PPP1R1B: variants seen among roughly 807,000 people sequenced by gnomAD.
PPP1R1B encodes protein phosphatase 1 regulatory inhibitor subunit 1B.
A neutral mutation model predicts 28.2 loss-of-function variants in PPP1R1B; 13 were observed. That is an observed-to-expected ratio of 0.46 (90% CI 0.30 to 0.73). The LOEUF (loss-of-function observed/expected upper bound fraction) is 0.73. Ranked by LOEUF, PPP1R1B falls within the 30% of genes least tolerant of loss-of-function variation. The pLI, the probability that PPP1R1B is intolerant of heterozygous loss-of-function variation, is 0.07. For missense variants in PPP1R1B, 236 were observed against 256.7 expected, an observed-to-expected ratio of 0.92 and a Z score of 0.55; for synonymous variants, 102 against 97.5, an observed-to-expected ratio of 1.05 and a Z score of -0.27.
chr17:39,631,451 C>A (rs2056876849), intron 4 of PPP1R1B, among the ~76,000 whole-genome samples: 1 of 152,084 alleles, frequency 6.6e-6, no homozygotes, highest in South Asian at 2.1e-4. Context: ...GGGAGATATA[C>A]CTGAAGGACA....
intron 1 of PPP1R1B, chr17:39,628,537 C>T: frequency 1.0e-6 from 1 of 985,656 alleles, no homozygotes; most frequent in Non-Finnish European, 1.2e-6. Flanking sequence ...AGTTCTGCAG[C>T]CTTACAGAGA....
chr17:39,629,190 G>A lies in PPP1R1B; in HGVS notation c.102G>A (p.Thr34=), dbSNP rs139161053. 362 of 1,613,570 alleles carry A rather than the reference G, an allele frequency of 2.2e-4. 1 individual carries two copies. The African/African-American group carries it at 4.1e-3, about 18-fold the overall frequency. Residue 34 remains threonine, a synonymous_variant, in exon 2 of 7, where the codon ACG becomes ACA. Transcript: ENST00000254079. ...CTTAGATCCGGCGCAGGAGACCAAC[G>A]CCTGCCATGCTGTTCCGGCTCTCAG... ...QVEMIRRRRP[T]PAMLFRLSEH...
chr17:39,633,764 G>A, intron 4 of PPP1R1B, 119 bp from the exon 5 acceptor site: 3 of 1,539,172 alleles, frequency 1.9e-6, no homozygotes, highest in East Asian at 2.3e-5. Flanking sequence ...GGGCCCCTGA[G>A]GGGGTATTCT....
intron 2 of PPP1R1B, 126 bp downstream of exon 2, chr17:39,629,356 C>T: frequency 3.9e-6 from 5 of 1,281,292 alleles, no homozygotes; most frequent in Non-Finnish European, 5.6e-6. Flanking sequence ...GGTCTGGGAA[C>T]CCAACTCTAT....
Position 39,629,208 on chromosome 17 carries a change from G to A in PPP1R1B, c.120G>A (p.Arg40=). Residue 40 remains arginine (R), a synonymous_variant, in exon 2 of 7, where the codon CGG becomes CGA. Transcript: ENST00000254079. The stretch of plus-strand genomic sequence containing the variant: ...GACCAACGCCTGCCATGCTGTTCCG[G>A]CTCTCAGAGCACTCCTCACCAGGTA... ...RRRPTPAMLF[R]LSEHSSPEEE... 1 of 1,613,646 alleles carries A rather than the reference G, an allele frequency of 6.2e-7. No individual in the cohort carries two copies. The highest frequency in any genetic ancestry group is 8.5e-7 in the Non-Finnish European group (1 of 1,179,900).
intron 1 of PPP1R1B, chr17:39,628,436 A>AGGGGC: frequency 4.0e-6 from 3 of 753,058 alleles, no homozygotes; most frequent in Non-Finnish European, 3.0e-6. Context: ...TGCCAAGCTG[A>AGGGGC]GGGGCGGGGC....
intron 1 of PPP1R1B, 57 bp from the exon 2 acceptor site, chr17:39,629,113 G>A: frequency 6.5e-7 from 1 of 1,538,212 alleles, no homozygotes; most frequent in Non-Finnish European, 9.0e-7. Context: ...CCTGCTGCCT[G>A]GGGGTGGGGG....
rs956824434 is a variant in PPP1R1B, at chr17:39,630,034, A to G, written c.228A>G (p.Pro76=). Residue 76 remains proline, a synonymous_variant, in exon 4 of 7, where the codon CCA becomes CCG. Transcript: ENST00000254079. ...GACCCAACCCCTGTGCCTACACACC[A>G]CCTTCGCTGAAAGGTACTATACCCC... ...SKRPNPCAYT[P]PSLKAVQRIA... The G allele has an allele frequency of 5.0e-6, 8 of 1,614,010 alleles. No homozygotes were observed. Among genetic ancestry groups the G allele is most frequent in the Non-Finnish European group, 6.8e-6 (8 of 1,179,978 alleles).
At chr17:39,634,637 A>G (rs1240090718) in intron 5 of PPP1R1B, among the ~76,000 whole-genome samples, 2 of 152,214 alleles carry the variant, frequency 1.3e-5, no homozygotes. Context: ...AGCCCGGCCC[A>G]TTAACCTTTT....
intron 1 of PPP1R1B, chr17:39,628,560 C>A (rs1479070735): frequency 1.3e-5 from 13 of 985,652 alleles, no homozygotes; most frequent in Non-Finnish European, 1.6e-5. Flanking sequence ...GGAAAAGAAG[C>A]CCAAACCAAG....
rs771714536 is a variant in PPP1R1B at position 39,627,521 on chromosome 17, G to C, written c.81+48G>C. The C allele has an allele frequency of 1.1e-4, 135 of 1,260,714 alleles. No individual in the cohort carries two copies. The South Asian group carries it at 1.6e-3, about 15-fold the overall frequency. The allele number at this position is 1,260,714 out of a possible 1,614,324, so 78.1% of individuals were successfully genotyped here. On this transcript the variant is annotated intron_variant, in intron 1 of 6. Transcript: ENST00000254079. ...CGGCAGCGTACCCGACACACCCCGC[G>C]GGGCTTCTTCGCCCTCCCAAGGCGC...
At chr17:39,633,525 C>T (rs1226787923) in intron 4 of PPP1R1B, 1 of 237,988 alleles carries the variant, frequency 4.2e-6, no homozygotes, top group Non-Finnish European at 8.5e-6. Flanking sequence ...GAGACACTGT[C>T]TCCCGTACTG....
Position 39,635,801 on chromosome 17 carries a change from C to A in PPP1R1B, c.566-15C>A. On this transcript the variant is annotated splice_polypyrimidine_tract_variant and intron_variant, in intron 6 of 6. Transcript: ENST00000254079. ...GTGGGGCCAGGCCCTGAGTCCCTCT[C>A]TGCTTGCCTTTCAGAGCCTGGGGAG... 6.2e-7 allele frequency: 1 copy of A among 1,614,050 alleles called. No homozygotes were observed. The highest frequency in any genetic ancestry group is 1.1e-5 in the South Asian group (1 of 91,066).
At chr17:39,629,371 T>C in intron 2 of PPP1R1B, 141 bp downstream of exon 2, 1 of 1,252,988 alleles carries the variant, frequency 8.0e-7, no homozygotes, top group Non-Finnish European at 1.2e-6. Flanking sequence ...CTCTATTGGC[T>C]TTATTTATTG....
chr17:39,634,872 G>A (rs904305877), intron 5 of PPP1R1B, among the ~76,000 whole-genome samples: 4 of 152,252 alleles, frequency 2.6e-5, no homozygotes, highest in Non-Finnish European at 4.4e-5. Context: ...AACAGTGGAA[G>A]AGGGGTGAGA....
At position 39,635,544 on chromosome 17, in the gene PPP1R1B, A is replaced by G. The variant is rs935860966; in HGVS notation, c.446-63A>G. 1.3e-5 allele frequency: 21 copies of G among 1,563,184 alleles called. 1 individual carries two copies. The Middle Eastern group carries it at 1.0e-3, about 77-fold the overall frequency. On this transcript the variant is annotated intron_variant, in intron 5 of 6. Coordinates refer to ENST00000254079, the MANE Select transcript of PPP1R1B (RefSeq NM_032192.4). ...CTCAGCCATCAGACACTTAGCTCAC[A>G]CTCCAGGACAGCCGGATGGATACGC...
At chr17:39,633,820 T>C (rs1597781054) in intron 4 of PPP1R1B, 63 bp from the exon 5 acceptor site, 1 of 1,601,676 alleles carries the variant, frequency 6.2e-7, no homozygotes, top group East Asian at 2.2e-5. Flanking sequence ...GGCCACAGGC[T>C]ATCTCCAGAT....
At position 39,628,624 on chromosome 17, in the gene PPP1R1B, TG is replaced by T. The variant is rs141595988; in HGVS notation, c.82-540del. On this transcript the variant is annotated intron_variant, in intron 1 of 6. Coordinates refer to ENST00000254079, the MANE Select transcript of PPP1R1B (RefSeq NM_032192.4). The stretch of plus-strand genomic sequence containing the variant: ...TGGGTCCCTGAGCCTCAGCTGGAGG[TG>T]GGGGGTGCCTGCAGTGCGCTGGCTC... The T allele has an allele frequency of 2.6e-4, 255 of 985,882 alleles. 2 individuals carry two copies. In the East Asian group the frequency reaches 0.023, roughly 87 times the overall value. 61.1% of individuals were successfully genotyped at this position (985,882 alleles called of 1,614,324 possible). A position where few individuals can be genotyped will look rare whatever the true frequency, so the allele number is the denominator to read the frequency against.
intron 1 of PPP1R1B, chr17:39,628,359 A>T: frequency 3.9e-6 from 1 of 257,442 alleles, no homozygotes; most frequent in Non-Finnish European, 5.8e-6. Flanking sequence ...AGCTTAACTC[A>T]CCTGGTTCTC....
Sources: allele counts gnomAD v4.1 joint callset (sites outside exome capture counted in the v4.1 genomes callset), GRCh38; gene constraint gnomAD v4.1.1; transcripts MANE v1.5; gene names NCBI Gene and HGNC (gene_info 2026-07-23, HGNC 2026-07-21).